GLDC: variants seen among roughly 807,000 people sequenced by gnomAD.
GLDC encodes glycine dehydrogenase (decarboxylating), mitochondrial.
A neutral mutation model predicts 121.3 loss-of-function variants in GLDC; 104 were observed. The observed-to-expected ratio is 0.86, with a 90% CI of 0.73 to 1.01. The LOEUF (loss-of-function observed/expected upper bound fraction) is 1.01, where lower values mean the gene tolerates loss of function less well. GLDC is among the 50% of genes least tolerant of loss of function. The probability of loss-of-function intolerance (pLI) is 0.00; values close to 1 mark genes in which losing one functional copy is unlikely to be tolerated. For missense variants in GLDC, 1,429 were observed against 1,306.6 expected (o/e 1.09, Z -1.44); for synonymous variants, 546 against 480.6 (o/e 1.14, Z -1.78).
chr9:6,546,305 G>A (rs1817387513), intron 21 of GLDC, among the ~76,000 whole-genome samples: 1 of 150,892 alleles, frequency 6.6e-6, no homozygotes, highest in Non-Finnish European at 1.5e-5. Context: ...CAATCCTCCT[G>A]CCTCAACCTT....
chr9:6,608,549 G>A (rs888414899), intron 4 of GLDC, among the ~76,000 whole-genome samples: 19 of 147,490 alleles, frequency 1.3e-4, no homozygotes, highest in African/African-American at 4.2e-4. Flanking sequence ...GACCCTCCTG[G>A]CTAACAGGGT....
intron 20 of GLDC, among the ~76,000 whole-genome samples, chr9:6,552,444 T>C (rs954998986): frequency 1.3e-5 from 2 of 152,252 alleles, no homozygotes; most frequent in Non-Finnish European, 2.9e-5. Context: ...ATTGCTTGTG[T>C]TGTTTGCAAA....
rs139200300 is a variant in GLDC, at chr9:6,621,244, T to C, written c.335-925A>G. ...CATTCTCATGAAGGCACTTTGGTTA[T>C]TAAGAAGTATAAATGTACTTGGATG... On this transcript the variant is annotated intron_variant, in intron 2 of 24. Coordinates refer to ENST00000321612, the MANE Select transcript of GLDC (RefSeq NM_000170.3). 5.7e-3 allele frequency among the ~76,000 whole-genome samples: 874 copies of C among 152,314 alleles called. 9 individuals are homozygous for C. Among genetic ancestry groups the C allele is most frequent in the African/African-American group, 0.02 (829 of 41,562 alleles).
rs564771390 is a variant in GLDC, at chr9:6,592,728, T to C, written c.1401+123A>G. 1.3e-5 allele frequency: 11 copies of C among 876,702 alleles called. No individual in the cohort carries two copies. The South Asian group carries it at 1.4e-4, about 11-fold the overall frequency. 54.3% of individuals were successfully genotyped at this position (876,702 alleles called of 1,614,324 possible). A position where few individuals can be genotyped will look rare whatever the true frequency, so the allele number is the denominator to read the frequency against. Reference sequence around the variant, plus strand: ...GCATAATGTAAATAACACTTGTTTATGAAAAAATAGGACTGTGCCTAAAGT... The same window carrying C: ...GCATAATGTAAATAACACTTGTTTACGAAAAAATAGGACTGTGCCTAAAGT... On this transcript the variant is annotated intron_variant, in intron 10 of 24. Transcript: ENST00000321612.
At chr9:6,599,671 A>C (rs1818560531) in intron 8 of GLDC, among the ~76,000 whole-genome samples, 1 of 150,086 alleles carries the variant, frequency 6.7e-6, no homozygotes, top group Non-Finnish European at 1.5e-5. Flanking sequence ...CAGTGAGCTG[A>C]GATTGGGCCG....
intron 2 of GLDC, among the ~76,000 whole-genome samples, chr9:6,633,229 CCTT>C (rs766467552): frequency 7.9e-5 from 12 of 152,138 alleles, no homozygotes; most frequent in African/African-American, 1.9e-4. Context: ...GAAAATATAT[CCTT>C]CTGCCTCTGA....
chr9:6,626,438 T>C (rs1194712685), intron 2 of GLDC, among the ~76,000 whole-genome samples: 1 of 152,212 alleles, frequency 6.6e-6, no homozygotes, highest in Non-Finnish European at 1.5e-5. Flanking sequence ...TTGCGGAAGA[T>C]AAAAATGGTA....
intron 21 of GLDC, chr9:6,542,343 A>G (rs190786116): frequency 6.6e-6 from 1 of 152,206 alleles, no homozygotes; most frequent in South Asian, 2.1e-4. Flanking sequence ...GGCCCAAGCA[A>G]TCCTCTCAGT....
chr9:6,546,964 A>AAATAAT (rs5896159), intron 21 of GLDC, among the ~76,000 whole-genome samples: 7 of 151,330 alleles, frequency 4.6e-5, no homozygotes, highest in South Asian at 2.1e-4. Flanking sequence ...TCTGTCTCAA[A>AAATAAT]AATAATAATA....
chr9:6,579,415 G>C (rs1021518236), intron 15 of GLDC, among the ~76,000 whole-genome samples: 1 of 151,912 alleles, frequency 6.6e-6, no homozygotes, highest in African/African-American at 2.4e-5. Context: ...TTCCCTCACA[G>C]CCTTAATCTG....
At position 6,588,443 on chromosome 9, in the gene GLDC, C is replaced by A. The variant is rs1401949733; in HGVS notation, c.1666-1G>T. The A allele has an allele frequency of 6.2e-7, 1 of 1,611,324 alleles. No individual in the cohort carries two copies. The stretch of plus-strand genomic sequence containing the variant: ...TGTTCAGTTTCATGGTGCAGGATCC[C>A]TTTAAGAAGAACATCCAAAATGTAT... On this transcript the variant is annotated splice_acceptor_variant, in intron 13 of 24. Coordinates refer to ENST00000321612, the MANE Select transcript of GLDC (RefSeq NM_000170.3). LOFTEE classifies it high-confidence loss of function.
At chr9:6,629,958 T>TATATATATATATGTGTATATATATATATA in intron 2 of GLDC, among the ~76,000 whole-genome samples, 6 of 78,670 alleles carry the variant, frequency 7.6e-5, no homozygotes, top group Admixed American at 1.3e-4. Flanking sequence ...TATATATATA[T>TATATATATATATGTGTATATATATATATA]TTTTTTTTTT....
chr9:6,582,932 G>A (rs1024811491), intron 15 of GLDC, among the ~76,000 whole-genome samples: 1 of 152,026 alleles, frequency 6.6e-6, no homozygotes, highest in South Asian at 2.1e-4. Context: ...CAAAGAAGAT[G>A]TACAAATGCA....
At chr9:6,635,833 C>G (rs930001530) in intron 2 of GLDC, among the ~76,000 whole-genome samples, 2 of 151,940 alleles carry the variant, frequency 1.3e-5, no homozygotes, top group Non-Finnish European at 2.9e-5. Flanking sequence ...TGTGATCATT[C>G]CACTGTAGTC....
intron 2 of GLDC, among the ~76,000 whole-genome samples, chr9:6,635,547 G>A (rs1211415103): frequency 1.3e-5 from 2 of 152,092 alleles, no homozygotes; most frequent in Non-Finnish European, 2.9e-5. Flanking sequence ...CTCTAGTCTG[G>A]GTGACAGTGC....
intron 8 of GLDC, among the ~76,000 whole-genome samples, chr9:6,598,738 C>G (rs953468379): frequency 3.9e-5 from 6 of 152,194 alleles, no homozygotes; most frequent in Non-Finnish European, 7.3e-5. Context: ...GTTAGAAGAT[C>G]ATCAGAATAA....
chr9:6,592,179 G>C lies in GLDC; in HGVS notation c.1446C>G (p.Asp482Glu), dbSNP rs201147701. ...CACAACCAAAGATCCACAACAAATC[G>C]TCCAGATCTTTTTCATTGACTGTTT... ...LDETVNEKDL[D>E]DLLWIFGCES... The change falls in exon 11 of 25, where the codon GAC (aspartate) becomes GAG (glutamate). Residue 482 changes from aspartate to glutamate, a missense_variant. Asp to Glu is a conservative substitution (Grantham distance 45). Coordinates refer to ENST00000321612, the MANE Select transcript of GLDC (RefSeq NM_000170.3). The C allele has an allele frequency of 8.1e-6, 13 of 1,607,696 alleles. No homozygotes were observed. The highest frequency in any genetic ancestry group is 1.1e-5 in the Non-Finnish European group (13 of 1,174,502).
intron 15 of GLDC, among the ~76,000 whole-genome samples, chr9:6,582,558 G>C (rs1027769743): frequency 2.8e-4 from 43 of 151,366 alleles, no homozygotes; most frequent in African/African-American, 1.0e-3. Context: ...GGCCGGGCGC[G>C]GTGGCTCACG....
At chr9:6,616,296 T>C (rs1818965890) in intron 3 of GLDC, among the ~76,000 whole-genome samples, 1 of 152,236 alleles carries the variant, frequency 6.6e-6, no homozygotes, top group African/African-American at 2.4e-5. Context: ...CTGTCCCTTA[T>C]GTAATATTTC....
Sources: gnomAD v4.1 joint callset for allele counts (sites outside exome capture counted in the v4.1 genomes callset) on GRCh38, gnomAD v4.1.1 for gene constraint, MANE v1.5 for transcripts, NCBI Gene and HGNC (gene_info 2026-07-23, HGNC 2026-07-21) for gene names.